The following NREP variants were observed in gnomAD, a reference collection of about 807,000 sequenced individuals.
NREP encodes neuronal regeneration related protein.
NREP carries 5 observed loss-of-function variants against 8.6 expected under a neutral mutation model. The ratio of observed to expected loss-of-function variants is 0.58; its 90% confidence interval spans 0.30 to 1.22. NREP has a LOEUF of 1.22. NREP is among the 50% of genes most tolerant of loss of function. NREP has a pLI of 0.07. For synonymous variants in NREP, 27 were observed against 28.0 expected (o/e 0.96, Z 0.11); for missense variants, 86 against 82.5 (o/e 1.04, Z -0.17).
chr5:111,736,933 C>T (rs1749176542), intron 2 of NREP, among the ~76,000 whole-genome samples: 1 of 152,200 alleles, frequency 6.6e-6, no homozygotes, highest in East Asian at 1.9e-4. Context: ...GCTGCCCTCG[C>T]ATTATCCCAG....
chr5:111,812,497 T>A (rs531917958), intron 2 of NREP, among the ~76,000 whole-genome samples: 1 of 152,154 alleles, frequency 6.6e-6, no homozygotes, highest in African/African-American at 2.4e-5. Flanking sequence ...GAAAATTGCT[T>A]TGGAATTATT....
At chr5:111,758,711 T>A (rs1561654810), upstream of NREP, among the ~76,000 whole-genome samples, 1 of 152,246 alleles carries the variant, frequency 6.6e-6, no homozygotes, top group Non-Finnish European at 1.5e-5. Flanking sequence ...AAAACTCAAT[T>A]TTTAAACGTG....
chr5:111,849,121 G>C (rs1250710177), intron 2 of NREP, among the ~76,000 whole-genome samples: 1 of 152,118 alleles, frequency 6.6e-6, no homozygotes, highest in Non-Finnish European at 1.5e-5. Context: ...TGGTACATGT[G>C]ACAAGCAGGG....
At chr5:111,874,608 A>G (rs536593223) in intron 2 of NREP, among the ~76,000 whole-genome samples, 2 of 152,186 alleles carry the variant, frequency 1.3e-5, no homozygotes, top group Admixed American at 6.5e-5. Context: ...GAGTAAAGAC[A>G]GTAAAGACCT....
intron 2 of NREP, among the ~76,000 whole-genome samples, chr5:111,953,417 T>C (rs1180116432): frequency 6.6e-6 from 1 of 152,150 alleles, no homozygotes; most frequent in Non-Finnish European, 1.5e-5. Context: ...CAAAGACTTT[T>C]CTTCTGCATC....
At chr5:111,887,960 A>T (rs1357506253) in intron 2 of NREP, among the ~76,000 whole-genome samples, 1 of 152,206 alleles carries the variant, frequency 6.6e-6, no homozygotes, top group Non-Finnish European at 1.5e-5. Context: ...ATCTTTGGAA[A>T]TTGAAGGAAA....
chr5:111,867,208 A>G (rs1435515090), intron 2 of NREP, among the ~76,000 whole-genome samples: 1 of 152,168 alleles, frequency 6.6e-6, no homozygotes, highest in Non-Finnish European at 1.5e-5. Flanking sequence ...GGCTGTCACA[A>G]CAAAATACCA....
chr5:111,900,474 G>GA (rs766348433), intron 2 of NREP, among the ~76,000 whole-genome samples: 1 of 151,614 alleles, frequency 6.6e-6, no homozygotes, highest in Non-Finnish European at 1.5e-5. Context: ...TCAAGAAAAT[G>GA]AAAAGTTTTT....
At chr5:111,848,190 A>G (rs1251674766) in intron 2 of NREP, among the ~76,000 whole-genome samples, 1 of 152,216 alleles carries the variant, frequency 6.6e-6, no homozygotes, top group African/African-American at 2.4e-5. Context: ...ATAATCAAAC[A>G]TTCTTGATTC....
chr5:111,948,699 C>T (rs1374138605), intron 2 of NREP, among the ~76,000 whole-genome samples: 1 of 152,058 alleles, frequency 6.6e-6, no homozygotes, highest in Admixed American at 6.6e-5. Context: ...ATCAGTCTGT[C>T]ACCTTTCTCA....
chr5:111,934,108 C>A (rs2112603765), intron 2 of NREP, among the ~76,000 whole-genome samples: 2 of 152,152 alleles, frequency 1.3e-5, no homozygotes, highest in South Asian at 2.1e-4. Context: ...GGTGCAGGGT[C>A]TACGTGGCTT....
intron 2 of NREP, among the ~76,000 whole-genome samples, chr5:111,956,472 C>G (rs1020807446): frequency 2.7e-5 from 4 of 148,304 alleles, no homozygotes; most frequent in Admixed American, 2.0e-4. Context: ...TTGAAGAGAC[C>G]TAAAAAAAAT....
At chr5:111,946,749 T>C (rs1220694174) in intron 2 of NREP, among the ~76,000 whole-genome samples, 1 of 151,994 alleles carries the variant, frequency 6.6e-6, no homozygotes, top group Non-Finnish European at 1.5e-5. Context: ...GGCCCACCAC[T>C]ACCTAAGCCT....
intron 2 of NREP, among the ~76,000 whole-genome samples, chr5:111,827,938 C>T (rs1356939979): frequency 6.6e-6 from 1 of 152,192 alleles, no homozygotes; most frequent in Non-Finnish European, 1.5e-5. Context: ...AGTATGTTTT[C>T]CAGAGGTTCC....
chr5:111,892,317 A>G (rs1185084508), intron 2 of NREP, among the ~76,000 whole-genome samples: 1 of 152,138 alleles, frequency 6.6e-6, no homozygotes, highest in East Asian at 1.9e-4. Flanking sequence ...TGCTCATGGT[A>G]TCTGGGGTTC....
chr5:111,804,503 T>C (rs1752089964), intron 2 of NREP, among the ~76,000 whole-genome samples: 1 of 152,180 alleles, frequency 6.6e-6, no homozygotes, highest in Admixed American at 6.5e-5. Flanking sequence ...GATGTGTGTA[T>C]GTGTATGTAT....
intron 2 of NREP, among the ~76,000 whole-genome samples, chr5:111,928,417 C>T (rs1755448583): frequency 6.6e-6 from 1 of 151,906 alleles, no homozygotes; most frequent in Non-Finnish European, 1.5e-5. Flanking sequence ...GGAAAGCAGA[C>T]TTAATTTATG....
rs73787717 is a variant in NREP, at chr5:111,895,355, C to T, written c.135+79919G>A. Among the ~76,000 whole-genome samples the T allele has an allele frequency of 5.2e-3, 796 of 152,218 alleles. 7 individuals carry two copies. Among genetic ancestry groups the T allele is most frequent in the African/African-American group, 0.019 (771 of 41,518 alleles). On this transcript the variant is annotated intron_variant, in intron 2 of 3. Transcript: ENST00000395634. The stretch of plus-strand genomic sequence containing the variant: ...TGTTTTCCATGCTGGGGAAGAGAAA[C>T]ATTTTCTTCTGTCATGCAGCTGACA...
chr5:111,856,956 T>G (rs1463083884), intron 2 of NREP, among the ~76,000 whole-genome samples: 1 of 152,160 alleles, frequency 6.6e-6, no homozygotes, highest in East Asian at 1.9e-4. Flanking sequence ...CCAGCCCCAG[T>G]ATGTCTTGAT....
Sources: allele counts gnomAD v4.1 joint callset (sites outside exome capture counted in the v4.1 genomes callset), GRCh38; gene constraint gnomAD v4.1.1; transcripts MANE v1.5; gene names NCBI Gene and HGNC (gene_info 2026-07-23, HGNC 2026-07-21).